The following TBX4 variants were observed in gnomAD, a reference collection of about 807,000 sequenced individuals.
The protein encoded by TBX4 is T-box transcription factor 4.
A neutral mutation model predicts 54.6 loss-of-function variants in TBX4; 13 were observed. The ratio of observed to expected loss-of-function variants is 0.24; its 90% CI spans 0.15 to 0.38. TBX4 has a LOEUF of 0.38. Among genes scored for constraint, TBX4 ranks in the 10% least tolerant of loss-of-function variants. The pLI is 1.00. For missense variants in TBX4, 631 were observed against 728.5 expected (o/e 0.87, Z 1.54); for synonymous variants, 314 against 306.7 (o/e 1.02, Z -0.25).
rs550283185 is a variant in TBX4, at chr17:61,474,370, T to C, written c.550-4257T>C. Among the ~76,000 whole-genome samples, 3 of 152,316 alleles carry C rather than the reference T, an allele frequency of 2.0e-5. No homozygotes were observed. The highest frequency in any genetic ancestry group is 4.4e-5 in the Non-Finnish European group (3 of 68,022). Reference sequence around the variant, plus strand: ...GCTCTCTCACAGGCCATCTGGATCCTGCTCCAGACTGTGTCTCCAACCAGC... The same window carrying C: ...GCTCTCTCACAGGCCATCTGGATCCCGCTCCAGACTGTGTCTCCAACCAGC... On this transcript the variant is annotated intron_variant, in intron 5 of 8. Coordinates refer to ENST00000644296, the MANE Select transcript of TBX4 (RefSeq NM_001321120.2). The surrounding 1 kb of genome is among the most constrained non-coding windows in gnomAD (Gnocchi z 4.6).
In TBX4 at chr17:61,482,841, C is replaced by A. The variant is rs2060673927; in HGVS notation, c.1022-56C>A. 19 of 1,603,224 alleles carry A rather than the reference C, an allele frequency of 1.2e-5. No homozygotes were observed. The South Asian group carries it at 1.9e-4, about 16-fold the overall frequency. On this transcript the variant is annotated intron_variant, in intron 8 of 8. Transcript: ENST00000644296. ...GGCTGTCCCAGCATCCAACAGGGTG[C>A]TCTGGGGCCTGGGCTGGTGGAAATG...
chr17:61,453,563 TATAA>T (rs1278295828), intron 1 of TBX4, among the ~76,000 whole-genome samples: 3 of 152,162 alleles, frequency 2.0e-5, no homozygotes, highest in Admixed American at 6.5e-5. Flanking sequence ...ACAAGAACAT[TATAA>T]ATAATGGTTG....
At chr17:61,468,686 C>G (rs1397921066) in intron 5 of TBX4, among the ~76,000 whole-genome samples, 2 of 152,204 alleles carry the variant, frequency 1.3e-5, no homozygotes, top group Non-Finnish European at 2.9e-5. Flanking sequence ...TATAAACAAG[C>G]AGCTAGGAGA....
Position 61,475,551 on chromosome 17 carries a change from A to G in TBX4, c.550-3076A>G, listed in dbSNP as rs571807128. On this transcript the variant is annotated intron_variant, in intron 5 of 8. Transcript: ENST00000644296. The surrounding 1 kb of genome is among the most constrained non-coding windows in gnomAD (Gnocchi z 5.0). ...GGGGCCTGAAGCAGGGGTGTGCAAAAGGAATGGAGGGGCTTTTGTTTTATA... is the reference window on the plus strand; with the variant it reads ...GGGGCCTGAAGCAGGGGTGTGCAAAGGGAATGGAGGGGCTTTTGTTTTATA... Among the ~76,000 whole-genome samples the G allele has an allele frequency of 2.6e-5, 4 of 152,268 alleles. No individual in the cohort carries two copies. Among genetic ancestry groups the G allele is most frequent in the African/African-American group, 9.6e-5 (4 of 41,546 alleles).
At position 61,480,895 on chromosome 17, in the gene TBX4, C is replaced by T. The variant is rs140760319; in HGVS notation, c.1021+576C>T. On this transcript the variant is annotated intron_variant, in intron 8 of 8. Transcript: ENST00000644296. This position sits in a 1 kb window ranked among gnomAD's most constrained non-coding sequence, Gnocchi z 6.2. ...CAGGCCTCTTCGTAAAGAGGAGGAG[C>T]CCGGAGCTGGGCACCATCACATCTG... Among the ~76,000 whole-genome samples the T allele has an allele frequency of 7.8e-3, 1,187 of 152,286 alleles. 26 individuals are homozygous for T. Among genetic ancestry groups the T allele is most frequent in the African/African-American group, 0.027 (1,117 of 41,542 alleles).
At chr17:61,456,136 C>G (rs2143790279) in intron 1 of TBX4, among the ~76,000 whole-genome samples, 1 of 152,280 alleles carries the variant, frequency 6.6e-6, no homozygotes, top group East Asian at 1.9e-4. Context: ...CGAGAAGGCC[C>G]AGGCCTCAGG....
intron 5 of TBX4, among the ~76,000 whole-genome samples, chr17:61,468,601 G>T (rs1375985338): frequency 1.3e-5 from 2 of 152,208 alleles, no homozygotes; most frequent in Non-Finnish European, 2.9e-5. Flanking sequence ...TGATTGATGG[G>T]TATGTAACTG....
Position 61,457,676 on chromosome 17 carries a change from A to T in TBX4, c.281+45A>T. On this transcript the variant is annotated intron_variant, in intron 3 of 8. Coordinates refer to ENST00000644296, the MANE Select transcript of TBX4 (RefSeq NM_001321120.2). The surrounding 1 kb of genome is among the most constrained non-coding windows in gnomAD (Gnocchi z 8.2). ...CTTCCGGGGATGGCGGTGGGGAGCA[A>T]GGGGGGCCAGGGAGGTCCCTTAGAA... 11 of 1,581,532 alleles carry T rather than the reference A, an allele frequency of 7.0e-6. No individual in the cohort carries two copies. The African/African-American group carries it at 1.2e-4, about 18-fold the overall frequency.
intron 5 of TBX4, 104 bp downstream of exon 5, chr17:61,467,761 C>A: frequency 6.8e-7 from 1 of 1,478,648 alleles, no homozygotes; most frequent in Non-Finnish European, 9.3e-7. Flanking sequence ...GGATCCAGCT[C>A]CAGGCTTTGG....
Position 61,484,601 on chromosome 17 carries a change from T to A in TBX4, c.*1085T>A, listed in dbSNP as rs1325639512. 6.6e-6 allele frequency: 1 copy of A among 152,156 alleles called. No individual in the cohort carries two copies. The highest frequency in any genetic ancestry group is 1.5e-5 in the Non-Finnish European group (1 of 68,040). The allele number at this position is 152,156 out of a possible 1,614,324, so 9.4% of individuals were successfully genotyped here. A position where few individuals can be genotyped will look rare whatever the true frequency, so the allele number is the denominator to read the frequency against. On this transcript the variant is annotated 3_prime_UTR_variant, in exon 9 of 9. Coordinates refer to ENST00000644296, the MANE Select transcript of TBX4 (RefSeq NM_001321120.2). The surrounding 1 kb of genome is among the most constrained non-coding windows in gnomAD (Gnocchi z 4.1). Reference sequence around the variant, plus strand: ...GAGCTCAGAGGAGCAAAGAGAATTCTCCAGTGTGGCGCTCACAAAGTCCTC... The same window carrying A: ...GAGCTCAGAGGAGCAAAGAGAATTCACCAGTGTGGCGCTCACAAAGTCCTC...
At position 61,459,379 on chromosome 17, in the gene TBX4, G is replaced by A. The variant is rs1379452470; in HGVS notation, c.281+1748G>A. Reference sequence around the variant, plus strand: ...ATGGATAATCCACTTGATCAAGTGCGAAGGGGAATGGGGCTATTTCTTGTG... The same window carrying A: ...ATGGATAATCCACTTGATCAAGTGCAAAGGGGAATGGGGCTATTTCTTGTG... On this transcript the variant is annotated intron_variant, in intron 3 of 8. Transcript: ENST00000644296. The surrounding 1 kb of genome is among the most constrained non-coding windows in gnomAD (Gnocchi z 4.8). Among the ~76,000 whole-genome samples the A allele has an allele frequency of 2.6e-5, 4 of 152,222 alleles. No individual in the cohort carries two copies. The highest frequency in any genetic ancestry group is 4.8e-5 in the African/African-American group (2 of 41,444).
Position 61,478,712 on chromosome 17 carries a change from C to G in TBX4, c.635C>G (p.Thr212Ser). The stretch of plus-strand genomic sequence containing the variant: ...AACAATGCTTTCGGCTCCAAAAACA[C>G]TGCTTTCTGCACCCACGTGTTCCCA... ...DENNAFGSKN[T>S]AFCTHVFPET... The change falls in exon 6 of 9, where the codon ACT becomes AGT. Residue 212 changes from threonine to serine, a missense_variant. Thr to Ser is a moderately conservative substitution (Grantham distance 58). Coordinates refer to ENST00000644296, the MANE Select transcript of TBX4 (RefSeq NM_001321120.2). The surrounding 1 kb of genome is among the most constrained non-coding windows in gnomAD (Gnocchi z 7.4). 6.2e-7 allele frequency: 1 copy of G among 1,614,234 alleles called. No individual in the cohort carries two copies. The highest frequency in any genetic ancestry group is 8.5e-7 in the Non-Finnish European group (1 of 1,180,044).
rs2060457206 is a variant in TBX4, at chr17:61,457,136, G to A, written c.187-401G>A. On this transcript the variant is annotated intron_variant, in intron 2 of 8. Transcript: ENST00000644296. This position sits in a 1 kb window ranked among gnomAD's most constrained non-coding sequence, Gnocchi z 8.2. The stretch of plus-strand genomic sequence containing the variant: ...ATAATCGGACGATCACAGCGCACGG[G>A]ATGCCGCCTGGGGATCTGTGTGCAC... 6.6e-6 allele frequency among the ~76,000 whole-genome samples: 1 copy of A among 152,176 alleles called. No individual in the cohort carries two copies.
rs372765864 is a variant in TBX4 at position 61,480,117 on chromosome 17, C to T, written c.819C>T (p.Ser273=). 2 of 1,614,088 alleles carry T rather than the reference C, an allele frequency of 1.2e-6. No homozygotes were observed. Among genetic ancestry groups the T allele is most frequent in the Non-Finnish European group, 1.7e-6 (2 of 1,180,012 alleles). ...QSKEYPVISK[S]IMRQRLISPQ... The stretch of plus-strand genomic sequence containing the variant: ...AAGAATACCCCGTGATTTCCAAAAG[C>T]ATCATGAGGCAGAGGCTCATCTCCC... Residue 273 remains serine (S), a synonymous_variant, in exon 8 of 9, where the codon AGC becomes AGT. Transcript: ENST00000644296. This position sits in a 1 kb window ranked among gnomAD's most constrained non-coding sequence, Gnocchi z 6.2.
At chr17:61,470,458 C>T (rs2060568836) in intron 5 of TBX4, among the ~76,000 whole-genome samples, 1 of 152,208 alleles carries the variant, frequency 6.6e-6, no homozygotes, top group Non-Finnish European at 1.5e-5. Context: ...GGCCCTGGAA[C>T]AGGAACCTCT....
chr17:61,479,737 C>A lies in TBX4; in HGVS notation c.703-144C>A. On this transcript the variant is annotated intron_variant, in intron 6 of 8. Transcript: ENST00000644296. The surrounding 1 kb of genome is among the most constrained non-coding windows in gnomAD (Gnocchi z 6.1). ...GCCAGTCCAGTCCCACCCTCCTCCC[C>A]AAGGAGGGTAGTGAGAAGCGGTGAG... 1 of 853,928 alleles carries A rather than the reference C, an allele frequency of 1.2e-6. No individual in the cohort carries two copies. The highest frequency in any genetic ancestry group is 2.0e-6 in the Non-Finnish European group (1 of 511,158). 52.9% of individuals were successfully genotyped at this position (853,928 alleles called of 1,614,324 possible).
chr17:61,465,846 A>G lies in TBX4; in HGVS notation c.309A>G (p.Lys103=). 1.2e-6 allele frequency: 2 copies of G among 1,614,120 alleles called. No individual in the cohort carries two copies. Among genetic ancestry groups the G allele is most frequent in the Non-Finnish European group, 1.7e-6 (2 of 1,180,008 alleles). Residue 103 remains lysine (K), a synonymous_variant, in exon 4 of 9, where the codon AAA becomes AAG. Transcript: ENST00000644296. This position sits in a 1 kb window ranked among gnomAD's most constrained non-coding sequence, Gnocchi z 4.9. ...GGATGTTCCCCAGCTACAAGGTAAA[A>G]GTCACAGGCATGAACCCCAAGACCA... ...GRRMFPSYKV[K]VTGMNPKTKY...
rs537654247 is a variant in TBX4 at position 61,459,888 on chromosome 17, GC to G, written c.281+2263del. Among the ~76,000 whole-genome samples, 141 of 144,534 alleles carry G rather than the reference GC, an allele frequency of 9.8e-4. 1 individual carries two copies. The highest frequency in any genetic ancestry group is 3.6e-3 in the African/African-American group (138 of 38,452). 94.8% of individuals were successfully genotyped at this position (144,534 alleles called of 152,430 possible). On this transcript the variant is annotated intron_variant, in intron 3 of 8. Coordinates refer to ENST00000644296, the MANE Select transcript of TBX4 (RefSeq NM_001321120.2). This position sits in a 1 kb window ranked among gnomAD's most constrained non-coding sequence, Gnocchi z 4.8. ...AGACCCCATTTCCTCCTTCATAGCT[GC>G]CCCCCTCCTTCAGCAACCACTGTAT...
chr17:61,483,092 C>G lies in TBX4; in HGVS notation c.1217C>G (p.Ser406Cys), dbSNP rs140662248. The G allele has an allele frequency of 6.6e-4, 1,064 of 1,614,098 alleles. 6 individuals are homozygous for G. Among genetic ancestry groups the G allele is most frequent in the Middle Eastern group, 5.9e-3 (36 of 6,062 alleles). The change falls in exon 9 of 9, where the codon TCT becomes TGT. Residue 406 changes from serine (S) to cysteine (C), a missense_variant. Around this residue, in one of 3 missense-constraint regions of TBX4, gnomAD observed 354 missense variants for 368.9 expected, o/e 0.96. Transcript: ENST00000644296. This position sits in a 1 kb window ranked among gnomAD's most constrained non-coding sequence, Gnocchi z 6.6. ...TCAGGGCCCGAGATTGCCGGGGTGT[C>G]TGGGGTGGACGACCTGCCCCCACCT... is the stretch of plus-strand genomic sequence containing the variant. Reference protein sequence around the residue: ...SGSGPEIAGVSGVDDLPPPPL... With the variant: ...SGSGPEIAGVCGVDDLPPPPL...
Sources: gnomAD v4.1 joint callset for allele counts (sites outside exome capture counted in the v4.1 genomes callset) on GRCh38, gnomAD v4.1.1 for gene constraint, gnomAD v4.1.1 regional missense constraint, Gnocchi (gnomAD v3.1) non-coding constraint, MANE v1.5 for transcripts, NCBI Gene and HGNC (gene_info 2026-07-23, HGNC 2026-07-21) for gene names.